The following GALNT13 variants were observed in gnomAD, a reference collection of about 807,000 sequenced individuals.
GALNT13 encodes UDP-GalNAc:polypeptide N-acetylgalactosaminyltransferase 13.
Under a neutral mutation model 64.2 loss-of-function variants are expected in GALNT13, and 28 were observed. The ratio of observed to expected loss-of-function variants is 0.44; its 90% confidence interval spans 0.32 to 0.60. The LOEUF is 0.60. GALNT13 is among the 20% of genes least tolerant of loss of function. The pLI, the probability that GALNT13 is intolerant of heterozygous loss-of-function variation, is 0.05. For synonymous variants in GALNT13, 214 were observed against 224.6 expected, an observed-to-expected ratio of 0.95 and a Z score of 0.42; for missense variants, 577 against 669.8, an observed-to-expected ratio of 0.86 and a Z score of 1.53.
the GALNT13 span, among the ~76,000 whole-genome samples, chr2:153,750,135 A>C: frequency 6.6e-6 from 1 of 151,878 alleles, no homozygotes; most frequent in African/African-American, 2.4e-5. Context: ...ACACTGATTA[A>C]TTTGAGTATC....
chr2:153,519,276 C>G, the GALNT13 span, among the ~76,000 whole-genome samples: 1 of 152,232 alleles, frequency 6.6e-6, no homozygotes, highest in African/African-American at 2.4e-5. Context: ...ATATTGTTAG[C>G]AGAGTTAATC....
At chr2:153,715,487 G>A in the GALNT13 span, among the ~76,000 whole-genome samples, 1 of 152,254 alleles carries the variant, frequency 6.6e-6, no homozygotes, top group African/African-American at 2.4e-5. Context: ...AATGGTAGAT[G>A]CTAATGGCTT....
chr2:153,311,283 G>C, the GALNT13 span, among the ~76,000 whole-genome samples: 1 of 152,172 alleles, frequency 6.6e-6, no homozygotes, highest in South Asian at 2.1e-4. Context: ...TTGGAATCAA[G>C]ATTTGGAGAA....
At chr2:153,299,098 G>T in the GALNT13 span, among the ~76,000 whole-genome samples, 4 of 152,088 alleles carry the variant, frequency 2.6e-5, no homozygotes, top group Admixed American at 6.6e-5. Flanking sequence ...CCAAATAATA[G>T]AATTTTGAAT....
chr2:153,181,641 TTATATTATATATTAAATTTATA>T, the GALNT13 span, among the ~76,000 whole-genome samples: 1 of 146,378 alleles, frequency 6.8e-6, no homozygotes, highest in African/African-American at 2.5e-5. Context: ...ATTTATATAA[TTATATTATATATTAAATTTATA>T]TAATTCTATT....
At chr2:153,512,236 T>C in the GALNT13 span, among the ~76,000 whole-genome samples, 171 of 152,246 alleles carry the variant, frequency 1.1e-3, no homozygotes, top group African/African-American at 3.8e-3. Context: ...GAGTTTGTAG[T>C]TGACTGCCAC....
At chr2:153,597,193 G>A in the GALNT13 span, among the ~76,000 whole-genome samples, 1 of 152,006 alleles carries the variant, frequency 6.6e-6, no homozygotes, top group Non-Finnish European at 1.5e-5. Context: ...TGAAAATGTG[G>A]GCTTTTTATT....
the GALNT13 span, among the ~76,000 whole-genome samples, chr2:153,402,786 T>C: frequency 2.0e-5 from 3 of 152,110 alleles, no homozygotes; most frequent in Non-Finnish European, 4.4e-5. Flanking sequence ...CATCAGCTCC[T>C]TTAAGCACTT....
the GALNT13 span, among the ~76,000 whole-genome samples, chr2:153,104,363 G>T: frequency 7.9e-5 from 12 of 152,052 alleles, no homozygotes; most frequent in African/African-American, 2.9e-4. Flanking sequence ...TTTTAAATTA[G>T]ATGCTACCAC....
At chr2:153,882,873 C>G (rs1429692846) in intron 1 of GALNT13, among the ~76,000 whole-genome samples, 4 of 151,250 alleles carry the variant, frequency 2.6e-5, no homozygotes, top group African/African-American at 9.7e-5. Context: ...CTACATAAAA[C>G]AGCAATCAAG....
chr2:154,308,167 A>G (rs1411738655), intron 9 of GALNT13, among the ~76,000 whole-genome samples: 2 of 151,944 alleles, frequency 1.3e-5, no homozygotes, highest in Admixed American at 6.6e-5. Context: ...GGAAAAATAC[A>G]TTATTTTTTC....
At chr2:153,672,904 C>A in the GALNT13 span, among the ~76,000 whole-genome samples, 1 of 151,852 alleles carries the variant, frequency 6.6e-6, no homozygotes, top group Non-Finnish European at 1.5e-5. Flanking sequence ...GAAATACAAA[C>A]TACCATCAGA....
chr2:153,627,693 A>T, the GALNT13 span, among the ~76,000 whole-genome samples: 1 of 152,144 alleles, frequency 6.6e-6, no homozygotes, highest in Non-Finnish European at 1.5e-5. Flanking sequence ...TTGTGCAGCC[A>T]TGTTTGAGAA....
chr2:153,158,196 C>G, the GALNT13 span, among the ~76,000 whole-genome samples: 1 of 152,052 alleles, frequency 6.6e-6, no homozygotes, highest in Non-Finnish European at 1.5e-5. Context: ...CAAGTCAACT[C>G]CCCTTAAGGT....
chr2:153,821,800 T>A, the GALNT13 span, among the ~76,000 whole-genome samples: 1 of 151,972 alleles, frequency 6.6e-6, no homozygotes, highest in Non-Finnish European at 1.5e-5. Context: ...AAAAGCTAAT[T>A]CTCTTAAAGG....
At position 154,242,118 on chromosome 2, in the gene GALNT13, A is replaced by T. The variant is rs562877786; in HGVS notation, c.400A>T (p.Thr134Ser). The change falls in exon 5 of 13, where the codon ACT becomes TCT. Residue 134 changes from threonine to serine, a missense_variant. Around this residue, in one of 3 missense-constraint regions of GALNT13, gnomAD observed 341 missense variants for 379.3 expected, o/e 0.90. Coordinates refer to ENST00000392825, the MANE Select transcript of GALNT13 (RefSeq NM_052917.4). The part of the protein sequence containing the change: ...HNEAWSTLLR[T>S]VYSVINRSPH... Reference sequence around the variant, plus strand: ...TGAAGCTTGGAGCACTCTCCTTAGAACTGTTTACAGTGTGATAAATCGTTC... The same window carrying T: ...TGAAGCTTGGAGCACTCTCCTTAGATCTGTTTACAGTGTGATAAATCGTTC... 6.2e-7 allele frequency: 1 copy of T among 1,613,030 alleles called. No homozygotes were observed. The highest frequency in any genetic ancestry group is 1.3e-5 in the African/African-American group (1 of 75,018).
the GALNT13 span, among the ~76,000 whole-genome samples, chr2:153,350,877 T>A: frequency 1.4e-4 from 22 of 152,134 alleles, no homozygotes; most frequent in African/African-American, 5.3e-4. Context: ...CCTATTTACA[T>A]TCTGAAGCAG....
At chr2:153,289,070 T>G in the GALNT13 span, among the ~76,000 whole-genome samples, 1 of 152,236 alleles carries the variant, frequency 6.6e-6, no homozygotes, top group Non-Finnish European at 1.5e-5. Flanking sequence ...TATTACTCTC[T>G]GGATTTCTTT....
the GALNT13 span, among the ~76,000 whole-genome samples, chr2:153,559,326 G>A: frequency 2.0e-5 from 3 of 152,072 alleles, no homozygotes; most frequent in African/African-American, 4.8e-5. Context: ...GTGGCTTTAC[G>A]TCCTAACGGT....
Sources: gnomAD v4.1 joint callset for allele counts (sites outside exome capture counted in the v4.1 genomes callset) on GRCh38, gnomAD v4.1.1 for gene constraint, gnomAD v4.1.1 regional missense constraint, MANE v1.5 for transcripts, NCBI Gene and HGNC (gene_info 2026-07-23, HGNC 2026-07-21) for gene names.